Variants in C16orf96 observed in about 807,000 individuals in gnomAD.
C16orf96 encodes the protein uncharacterized protein C16orf96.
Under a neutral mutation model 103.6 loss-of-function variants are expected in C16orf96, and 108 were observed. That is an observed-to-expected ratio of 1.04 (90% CI 0.89 to 1.22). C16orf96 has a LOEUF of 1.22. C16orf96 is among the 50% of genes most tolerant of loss of function. The probability of loss-of-function intolerance (pLI) is 0.00; values close to 1 mark genes in which losing one functional copy is unlikely to be tolerated. For missense variants in C16orf96, 1,586 were observed against 1,464.2 expected (o/e 1.08, Z -1.36); for synonymous variants, 566 against 593.5 (o/e 0.95, Z 0.67).
intron 6 of C16orf96, 62 bp downstream of exon 6, chr16:4,579,087 C>T: frequency 7.2e-7 from 1 of 1,390,570 alleles, no homozygotes; most frequent in South Asian, 1.2e-5. Context: ...TGGCTGAAGA[C>T]TCCTTGACTC....
chr16:4,546,450 GC>G, the C16orf96 span, among the ~76,000 whole-genome samples: 1 of 134,930 alleles, frequency 7.4e-6, no homozygotes, highest in African/African-American at 2.6e-5. Flanking sequence ...GAGCCACCGC[GC>G]CCGGACTTTT....
At chr16:4,599,893 T>C (rs573443628) in intron 15 of C16orf96, among the ~76,000 whole-genome samples, 1 of 152,286 alleles carries the variant, frequency 6.6e-6, no homozygotes, top group East Asian at 1.9e-4. Context: ...TAAGCAAACA[T>C]TCCTGGTGTC....
At chr16:4,547,825 G>A in the C16orf96 span, among the ~76,000 whole-genome samples, 1 of 133,810 alleles carries the variant, frequency 7.5e-6, no homozygotes, top group Non-Finnish European at 1.6e-5. Flanking sequence ...CTTGAGATAA[G>A]GTCTCCCAGT....
intron 7 of C16orf96, among the ~76,000 whole-genome samples, chr16:4,584,443 G>C (rs1013246576): frequency 6.9e-6 from 1 of 145,700 alleles, no homozygotes; most frequent in African/African-American, 2.5e-5. Flanking sequence ...CGCCTCCCGG[G>C]TTCAAGCAAT....
chr16:4,562,635 A>G (rs1034390818), intron 1 of C16orf96, among the ~76,000 whole-genome samples: 2 of 152,198 alleles, frequency 1.3e-5, no homozygotes, highest in Non-Finnish European at 2.9e-5. Context: ...AAAGTTGACA[A>G]TTAGCTTCAT....
chr16:4,593,235 C>T lies in C16orf96; in HGVS notation c.2786C>T (p.Thr929Ile), dbSNP rs1897099021. Residue 929 changes from threonine (T) to isoleucine (I), a missense_variant, in exon 12 of 16, where the codon ACC becomes ATC. Transcript: ENST00000444310. This position sits in a 1 kb window ranked among gnomAD's most constrained non-coding sequence, Gnocchi z 4.2. ...TTGTCCTCCAACAGACAGCTGATCA[C>T]CATCCGCAAAGCCCACCTGCTGTCC... Reference protein sequence around the residue: ...VEMMTGPQLITIRKAHLLSRL... With the variant: ...VEMMTGPQLIIIRKAHLLSRL... 6.4e-7 allele frequency: 1 copy of T among 1,551,152 alleles called. No individual in the cohort carries two copies. The highest frequency in any genetic ancestry group is 8.7e-7 in the Non-Finnish European group (1 of 1,146,846).
intron 7 of C16orf96, among the ~76,000 whole-genome samples, chr16:4,581,292 G>A (rs1177418438): frequency 1.3e-5 from 2 of 149,056 alleles, no homozygotes; most frequent in South Asian, 2.1e-4. Flanking sequence ...CTGAGATTGC[G>A]CCATTGCATT....
upstream of C16orf96, among the ~76,000 whole-genome samples, chr16:4,555,397 G>A (rs1273961833): frequency 3.3e-5 from 5 of 151,250 alleles, no homozygotes; most frequent in Admixed American, 6.6e-5. Flanking sequence ...CTTTTGAGAC[G>A]GAGTCTCGCT....
chr16:4,576,334 G>T lies in C16orf96; in HGVS notation c.1854G>T (p.Gly618=). 6.4e-7 allele frequency: 1 copy of T among 1,550,796 alleles called. No homozygotes were observed. Among genetic ancestry groups the T allele is most frequent in the Non-Finnish European group, 8.7e-7 (1 of 1,147,004 alleles). Reference sequence around the variant, plus strand: ...ACACGGCTGCAGCTGGGCCCCTAGGGGTCTTTGCAGATGTCCTGGGTGCAG... The same window carrying T: ...ACACGGCTGCAGCTGGGCCCCTAGGTGTCTTTGCAGATGTCCTGGGTGCAG... ...ATDTAAAGPL[G]VFADVLGAGP... is the part of the protein sequence containing the mutation. Residue 618 remains glycine (G), a synonymous_variant, in exon 5 of 16, where the codon GGG becomes GGT. Coordinates refer to ENST00000444310, the MANE Select transcript of C16orf96 (RefSeq NM_001145011.2).
At chr16:4,570,540 C>G (rs759275866) in intron 1 of C16orf96, among the ~76,000 whole-genome samples, 1 of 147,934 alleles carries the variant, frequency 6.8e-6, no homozygotes, top group Non-Finnish European at 1.5e-5. Context: ...TCTTGGCTCA[C>G]TGCAGCCTCT....
At chr16:4,565,380 GT>G (rs1203367630) in intron 1 of C16orf96, among the ~76,000 whole-genome samples, 1 of 152,202 alleles carries the variant, frequency 6.6e-6, no homozygotes, top group Non-Finnish European at 1.5e-5. Context: ...CAGGACAGGA[GT>G]CCAGAGCATG....
At chr16:4,586,208 C>T (rs1185342641) in intron 7 of C16orf96, among the ~76,000 whole-genome samples, 2 of 152,096 alleles carry the variant, frequency 1.3e-5, no homozygotes, top group African/African-American at 4.8e-5. Flanking sequence ...TGCAGTGAGC[C>T]GAAATGGCGC....
rs1403304749 is a variant in C16orf96, at chr16:4,593,255, C to G, written c.2806C>G (p.Leu936Val). ...GATCACCATCCGCAAAGCCCACCTG[C>G]TGTCCCGGCTGCGGCCAGCCAGCGC... ...QLITIRKAHL[L>V]SRLRPASANS... Residue 936 changes from leucine (L) to valine (V), a missense_variant, in exon 12 of 16, where the codon CTG (leucine) becomes GTG (valine). Leu to Val is a conservative substitution (Grantham distance 32). Coordinates refer to ENST00000444310, the MANE Select transcript of C16orf96 (RefSeq NM_001145011.2). The surrounding 1 kb of genome is among the most constrained non-coding windows in gnomAD (Gnocchi z 4.2). 1 of 1,551,146 alleles carries G rather than the reference C, an allele frequency of 6.4e-7. No individual in the cohort carries two copies. The highest frequency in any genetic ancestry group is 8.7e-7 in the Non-Finnish European group (1 of 1,146,896).
intron 7 of C16orf96, 74 bp downstream of exon 7, chr16:4,580,199 C>G (rs866083019): frequency 2.7e-5 from 33 of 1,212,650 alleles, no homozygotes; most frequent in Middle Eastern, 2.1e-4. Context: ...TGGCCCTTCC[C>G]GAAGGTTCTG....
intron 2 of C16orf96, among the ~76,000 whole-genome samples, chr16:4,574,197 C>A (rs1052362082): frequency 6.6e-6 from 1 of 151,282 alleles, no homozygotes; most frequent in African/African-American, 2.4e-5. Context: ...CGTACAGAAA[C>A]CTGTTGAAAT....
intron 7 of C16orf96, among the ~76,000 whole-genome samples, chr16:4,582,899 T>A (rs1896825386): frequency 6.6e-6 from 1 of 152,130 alleles, no homozygotes; most frequent in African/African-American, 2.4e-5. Flanking sequence ...ACATCCCTTG[T>A]CCCAGGACCG....
intron 7 of C16orf96, among the ~76,000 whole-genome samples, chr16:4,582,508 T>G (rs1039650702): frequency 3.3e-5 from 5 of 151,868 alleles, no homozygotes; most frequent in Admixed American, 6.6e-5. Flanking sequence ...AAATAACTCA[T>G]TAAAGGGGAA....
Position 4,576,376 on chromosome 16 carries a change from C to A in C16orf96, c.1896C>A (p.Ala632=). The change falls in exon 5 of 16, where the codon GCC becomes GCA. Residue 632 remains alanine, a synonymous_variant. Coordinates refer to ENST00000444310, the MANE Select transcript of C16orf96 (RefSeq NM_001145011.2). ...DVLGAGPSRG[A]TESQILGDDS... is the part of the protein sequence containing the mutation. ...TGGGTGCAGGGCCTTCCCGGGGAGCCACAGAATCCCAGATCTTGGGCGATG... is the reference window on the plus strand; with the variant it reads ...TGGGTGCAGGGCCTTCCCGGGGAGCAACAGAATCCCAGATCTTGGGCGATG... 2 of 1,551,014 alleles carry A rather than the reference C, an allele frequency of 1.3e-6. No homozygotes were observed. Among genetic ancestry groups the A allele is most frequent in the East Asian group, 2.4e-5 (1 of 40,924 alleles).
chr16:4,543,099 C>G, the C16orf96 span, among the ~76,000 whole-genome samples: 1,266 of 152,264 alleles, frequency 8.3e-3, 18 homozygotes, highest in African/African-American at 0.029. Context: ...AGCTTATGTT[C>G]AAGATGTCAA....
Sources: gnomAD v4.1 joint callset for allele counts (sites outside exome capture counted in the v4.1 genomes callset) on GRCh38, gnomAD v4.1.1 for gene constraint, Gnocchi (gnomAD v3.1) non-coding constraint, MANE v1.5 for transcripts, NCBI Gene and HGNC (gene_info 2026-07-23, HGNC 2026-07-21) for gene names.